The following ARRB1 variants were observed in gnomAD, a reference collection of about 807,000 sequenced individuals.
ARRB1 encodes the protein arrestin beta 1, also known as beta-arrestin-1.
In ARRB1, 21 loss-of-function variants were observed where a neutral mutation model predicts 56.8. That is an observed-to-expected ratio of 0.37 (90% CI 0.26 to 0.53). The LOEUF is 0.53. Among genes scored for constraint, ARRB1 ranks in the 20% least tolerant of loss-of-function variants. ARRB1 has a pLI of 0.88. For missense variants in ARRB1, 424 were observed against 553.7 expected, an observed-to-expected ratio of 0.77 and a Z score of 2.35; for synonymous variants, 210 against 218.6, an observed-to-expected ratio of 0.96 and a Z score of 0.35.
intron 1 of ARRB1, among the ~76,000 whole-genome samples, chr11:75,301,276 G>A (rs911509274): frequency 6.6e-6 from 1 of 152,232 alleles, no homozygotes; most frequent in African/African-American, 2.4e-5. Flanking sequence ...GTGCTCAGGA[G>A]ACAGCGAGCC....
chr11:75,294,941 AGG>A (rs1294073165), intron 1 of ARRB1, among the ~76,000 whole-genome samples: 1 of 151,948 alleles, frequency 6.6e-6, no homozygotes, highest in Non-Finnish European at 1.5e-5. Context: ...CAACACAAAC[AGG>A]CCAGGTGTGG....
chr11:75,271,355 T>C, intron 13 of ARRB1: 1 of 209,114 alleles, frequency 4.8e-6, no homozygotes, highest in Non-Finnish European at 9.5e-6. Context: ...AGCAGTTCCC[T>C]CCTCACTAGT....
chr11:75,328,384 C>T (rs1371637601), intron 1 of ARRB1, among the ~76,000 whole-genome samples: 2 of 152,206 alleles, frequency 1.3e-5, no homozygotes, highest in African/African-American at 4.8e-5. Flanking sequence ...CACTTTTTGG[C>T]TATTGTGAAT....
chr11:75,329,857 G>A (rs1947492738), intron 1 of ARRB1, among the ~76,000 whole-genome samples: 1 of 152,050 alleles, frequency 6.6e-6, no homozygotes, highest in African/African-American at 2.4e-5. Flanking sequence ...ACCCAGGCAT[G>A]GTAGCACATA....
rs1310709883 is a variant in ARRB1, at chr11:75,268,958, C to T, written c.1024G>A (p.Asp342Asn). Residue 342 changes from aspartate to asparagine, a missense_variant and splice_region_variant, in exon 14 of 16, where the codon GAC becomes AAC. By Grantham distance (23) the Asp-to-Asn change is conservative (BLOSUM62 1). This residue lies in a region of ARRB1 where 121 missense variants were observed against 147.3 expected (regional missense o/e 0.82). Coordinates refer to ENST00000420843, the MANE Select transcript of ARRB1 (RefSeq NM_004041.5). ...GTGAAGGGCAGTTCCACGGCCACGT[C>T]GCTGAAACAGAGACCCAGACCCAGT... ...GGLLGDLASSDVAVELPFTLM... is the reference protein window; with the variant it reads ...GGLLGDLASSNVAVELPFTLM... 1.2e-6 allele frequency: 2 copies of T among 1,609,108 alleles called. No homozygotes were observed. The highest frequency in any genetic ancestry group is 1.7e-6 in the Non-Finnish European group (2 of 1,178,654).
At chr11:75,278,574 C>A in intron 8 of ARRB1, 35 bp downstream of exon 8, 1 of 1,612,912 alleles carries the variant, frequency 6.2e-7, no homozygotes, top group Non-Finnish European at 8.5e-7. Flanking sequence ...CCTGGTGGAG[C>A]AGCCCCCACC....
intron 1 of ARRB1, among the ~76,000 whole-genome samples, chr11:75,321,429 CCTT>C (rs908560822): frequency 2.6e-4 from 40 of 152,212 alleles, no homozygotes; most frequent in African/African-American, 9.4e-4. Context: ...CCTTTTCTCT[CCTT>C]CTTCTCTCCC....
chr11:75,268,415 G>C (rs1251445954), intron 14 of ARRB1, among the ~76,000 whole-genome samples: 3 of 144,022 alleles, frequency 2.1e-5, no homozygotes, highest in Non-Finnish European at 4.5e-5. Flanking sequence ...TGAGGCAGGA[G>C]AATCTCTTGA....
At chr11:75,316,155 C>T (rs879739477) in intron 1 of ARRB1, among the ~76,000 whole-genome samples, 2 of 152,068 alleles carry the variant, frequency 1.3e-5, no homozygotes, top group Admixed American at 6.6e-5. Flanking sequence ...TGGTGAAACC[C>T]CGTCTCTACA....
intron 1 of ARRB1, among the ~76,000 whole-genome samples, chr11:75,319,689 C>T (rs1326684522): frequency 3.3e-5 from 5 of 152,104 alleles, no homozygotes; most frequent in African/African-American, 1.2e-4. Context: ...GCTACAAGGC[C>T]GAGGTTGGGC....
intron 1 of ARRB1, among the ~76,000 whole-genome samples, chr11:75,338,099 G>A (rs1297794662): frequency 6.6e-6 from 1 of 152,134 alleles, no homozygotes; most frequent in Non-Finnish European, 1.5e-5. Context: ...TTAGCAGTGT[G>A]GTGGGGACAG....
chr11:75,283,468 G>T lies in ARRB1; in HGVS notation c.173C>A (p.Thr58Asn). Reference sequence around the variant, plus strand: ...CTCCCGGCCATAGCGGAAGGCGCAGGTCAGCGTCACATAGACTGTGGGGAG... The same window carrying T: ...CTCCCGGCCATAGCGGAAGGCGCAGTTCAGCGTCACATAGACTGTGGGGAG... ...LKERRVYVTL[T>N]CAFRYGREDL... The change falls in exon 5 of 16, where the codon ACC (threonine) becomes AAC (asparagine). Residue 58 changes from threonine to asparagine, a missense_variant. Physicochemically the swap from Thr to Asn is moderately conservative, Grantham distance 65. Coordinates refer to ENST00000420843, the MANE Select transcript of ARRB1 (RefSeq NM_004041.5). 6.2e-7 allele frequency: 1 copy of T among 1,612,150 alleles called. No homozygotes were observed. The highest frequency in any genetic ancestry group is 2.2e-5 in the East Asian group (1 of 44,858).
chr11:75,342,185 T>C (rs535942928), intron 1 of ARRB1, among the ~76,000 whole-genome samples: 2 of 152,280 alleles, frequency 1.3e-5, no homozygotes, highest in Admixed American at 1.3e-4. Flanking sequence ...TCTCCTCAGA[T>C]GGCACCTTTG....
intron 1 of ARRB1, among the ~76,000 whole-genome samples, chr11:75,332,762 AG>A (rs1947541472): frequency 6.6e-6 from 1 of 152,100 alleles, no homozygotes; most frequent in African/African-American, 2.4e-5. Flanking sequence ...AGGTGTGGTC[AG>A]GCGCACCTGT....
At chr11:75,271,824 T>C (rs1946079853) in intron 12 of ARRB1, 100 bp from the exon 13 acceptor site, 2 of 1,335,690 alleles carry the variant, frequency 1.5e-6, no homozygotes, top group Non-Finnish European at 1.0e-6. Context: ...GTCCCCCGGA[T>C]AGAGAAGACC....
intron 15 of ARRB1, 24 bp downstream of exon 15, chr11:75,267,628 G>A: frequency 7.7e-7 from 1 of 1,291,508 alleles, no homozygotes. Flanking sequence ...ACCCCCGGAT[G>A]TCTGCAGGCA....
At chr11:75,317,183 T>C (rs1947279188) in intron 1 of ARRB1, among the ~76,000 whole-genome samples, 1 of 152,200 alleles carries the variant, frequency 6.6e-6, no homozygotes, top group Non-Finnish European at 1.5e-5. Flanking sequence ...CTGTGTCAGG[T>C]GGCCTCTGGG....
chr11:75,330,987 AG>A (rs930936402), intron 1 of ARRB1, among the ~76,000 whole-genome samples: 1 of 152,238 alleles, frequency 6.6e-6, no homozygotes, highest in African/African-American at 2.4e-5. Flanking sequence ...CTTGCATTCC[AG>A]CAGGGAGAGG....
intron 1 of ARRB1, chr11:75,306,787 G>A (rs1481429004): frequency 9.6e-6 from 7 of 730,964 alleles, no homozygotes; most frequent in Admixed American, 7.4e-5. Flanking sequence ...CTCCTCCTCC[G>A]GGCTTCTCGG....
Sources: allele counts gnomAD v4.1 joint callset (sites outside exome capture counted in the v4.1 genomes callset), GRCh38; gene constraint gnomAD v4.1.1; regional missense constraint gnomAD v4.1.1; transcripts MANE v1.5; gene names NCBI Gene and HGNC (gene_info 2026-07-23, HGNC 2026-07-21).